The following KCND2 variants were observed in gnomAD, a reference collection of about 807,000 sequenced individuals.
KCND2 encodes the protein A-type voltage-gated potassium channel KCND2.
KCND2 carries 16 observed loss-of-function variants against 54.4 expected under a neutral mutation model. The ratio of observed to expected loss-of-function variants is 0.29; its 90% CI spans 0.20 to 0.45. The LOEUF (loss-of-function observed/expected upper bound fraction) is 0.45, where lower values mean the gene tolerates loss of function less well. Ranked by LOEUF, KCND2 falls within the 20% of genes least tolerant of loss-of-function variation. The probability of loss-of-function intolerance (pLI) is 1.00; values close to 1 mark genes in which losing one functional copy is unlikely to be tolerated. For synonymous variants in KCND2, 317 were observed against 310.7 expected (o/e 1.02, Z -0.21); for missense variants, 486 against 824.2 (o/e 0.59, Z 5.02).
At chr7:120,289,037 A>AAC (rs763897007) in intron 1 of KCND2, among the ~76,000 whole-genome samples, 2,910 of 62,104 alleles carry the variant, frequency 0.047, 99 homozygotes, top group African/African-American at 0.093. Flanking sequence ...CAGAGACACA[A>AAC]ACACACACAC....
At chr7:120,559,728 G>A (rs1381068148) in intron 1 of KCND2, among the ~76,000 whole-genome samples, 2 of 152,154 alleles carry the variant, frequency 1.3e-5, no homozygotes, top group African/African-American at 4.8e-5. Flanking sequence ...GCAGATTCCA[G>A]TCTATGATAC....
At chr7:120,620,761 A>G (rs1352113029) in intron 1 of KCND2, among the ~76,000 whole-genome samples, 1 of 152,220 alleles carries the variant, frequency 6.6e-6, no homozygotes, top group Non-Finnish European at 1.5e-5. Flanking sequence ...ACTCATTTCA[A>G]AATTTCAACT....
intron 1 of KCND2, among the ~76,000 whole-genome samples, chr7:120,503,385 T>TGAGAGAGAGAGAGAGAGAGAGAGA (rs58222636): frequency 2.0e-5 from 3 of 146,670 alleles, no homozygotes; most frequent in East Asian, 4.0e-4. Flanking sequence ...GTCTCTAGAG[T>TGAGAGAGAGAGAGAGAGAGAGAGA]GAGAGAGAGA....
At chr7:120,385,992 T>G (rs1800982359) in intron 1 of KCND2, among the ~76,000 whole-genome samples, 1 of 152,126 alleles carries the variant, frequency 6.6e-6, no homozygotes, top group African/African-American at 2.4e-5. Context: ...TGAACACACA[T>G]TATTTTTGGC....
rs370917762 is a variant in KCND2, at chr7:120,570,681, C to A, written c.1116-162222C>A. 3.3e-5 allele frequency among the ~76,000 whole-genome samples: 5 copies of A among 152,132 alleles called. 1 individual carries two copies. The highest frequency in any genetic ancestry group is 6.5e-5 in the Admixed American group (1 of 15,274). On this transcript the variant is annotated intron_variant, in intron 1 of 5. Transcript: ENST00000331113. ...CATATTACCTTTCTTATTAAAGATGCTTCTCAGGTGAAGGACTCAACTACT... is the reference window on the plus strand; with the variant it reads ...CATATTACCTTTCTTATTAAAGATGATTCTCAGGTGAAGGACTCAACTACT...
chr7:120,329,584 C>G (rs760574418), intron 1 of KCND2, among the ~76,000 whole-genome samples: 2 of 151,988 alleles, frequency 1.3e-5, no homozygotes, highest in Non-Finnish European at 2.9e-5. Context: ...GAATTTTGTT[C>G]AATAAAATGA....
At chr7:120,368,561 T>C (rs116374501) in intron 1 of KCND2, among the ~76,000 whole-genome samples, 11 of 152,196 alleles carry the variant, frequency 7.2e-5, no homozygotes, top group African/African-American at 2.6e-4. Flanking sequence ...AAAAAATATT[T>C]GAGAGCATTT....
At chr7:120,482,090 C>T (rs1031616324) in intron 1 of KCND2, among the ~76,000 whole-genome samples, 9 of 152,274 alleles carry the variant, frequency 5.9e-5, no homozygotes, top group Admixed American at 4.6e-4. Flanking sequence ...TGGGGTCCAT[C>T]TCCAGCTCCA....
chr7:120,362,402 C>G (rs1406507469), intron 1 of KCND2, among the ~76,000 whole-genome samples: 3 of 151,996 alleles, frequency 2.0e-5, no homozygotes, highest in Non-Finnish European at 2.9e-5. Context: ...CTGAAGGTCT[C>G]CAAAGACATC....
At chr7:120,473,273 A>T (rs1802486912) in intron 1 of KCND2, among the ~76,000 whole-genome samples, 1 of 152,144 alleles carries the variant, frequency 6.6e-6, no homozygotes, top group South Asian at 2.1e-4. Context: ...AACCTAGAAT[A>T]AGATTCAGAG....
At chr7:120,584,842 A>G (rs577408276) in intron 1 of KCND2, among the ~76,000 whole-genome samples, 1 of 152,360 alleles carries the variant, frequency 6.6e-6, no homozygotes, top group Admixed American at 6.5e-5. Flanking sequence ...ATGCAATTGT[A>G]TTGGGTTTGT....
At chr7:120,574,096 C>T (rs1268527368) in intron 1 of KCND2, among the ~76,000 whole-genome samples, 1 of 152,124 alleles carries the variant, frequency 6.6e-6, no homozygotes, top group Non-Finnish European at 1.5e-5. Flanking sequence ...TGAATGAATC[C>T]TAGAAAACGT....
chr7:120,629,449 G>A (rs1424139316), intron 1 of KCND2, among the ~76,000 whole-genome samples: 2 of 152,096 alleles, frequency 1.3e-5, no homozygotes, highest in Admixed American at 6.6e-5. Context: ...TGGTGCCACT[G>A]CACTCCATCC....
At chr7:120,617,641 TG>T (rs1793044942) in intron 1 of KCND2, among the ~76,000 whole-genome samples, 1 of 152,212 alleles carries the variant, frequency 6.6e-6, no homozygotes, top group African/African-American at 2.4e-5. Flanking sequence ...ATCCAGTTAC[TG>T]GGTGTATACC....
At chr7:120,699,221 G>A (rs113980381) in intron 1 of KCND2, among the ~76,000 whole-genome samples, 2 of 151,770 alleles carry the variant, frequency 1.3e-5, no homozygotes, top group Admixed American at 6.6e-5. Context: ...GGCAGAGCTT[G>A]CAGTGAGCCG....
At chr7:120,609,210 G>C (rs1049702720) in intron 1 of KCND2, among the ~76,000 whole-genome samples, 3 of 151,990 alleles carry the variant, frequency 2.0e-5, no homozygotes, top group African/African-American at 7.2e-5. Context: ...CTACTAAGCC[G>C]AGGCAAACTA....
intron 5 of KCND2, among the ~76,000 whole-genome samples, chr7:120,746,572 A>G (rs1793010857): frequency 6.6e-6 from 1 of 152,172 alleles, no homozygotes; most frequent in Admixed American, 6.6e-5. Flanking sequence ...ACAAAAAATA[A>G]GTGAAGTACT....
intron 1 of KCND2, among the ~76,000 whole-genome samples, chr7:120,468,079 A>G (rs1403003142): frequency 2.0e-5 from 3 of 152,098 alleles, no homozygotes; most frequent in African/African-American, 7.2e-5. Context: ...GCCTCTGTTA[A>G]AGGAAAAGTG....
Position 120,274,584 on chromosome 7 carries a change from A to T in KCND2, c.-49A>T, listed in dbSNP as rs772210143. 2.7e-4 allele frequency: 431 copies of T among 1,612,590 alleles called. No homozygotes were observed. Among genetic ancestry groups the T allele is most frequent in the Non-Finnish European group, 3.4e-4 (403 of 1,178,976 alleles). ...TGGGTGACTTTTGGCTGCTTCGGTG[A>T]CCCATTGTAGACGCCTCGTTACCCT... On this transcript the variant is annotated 5_prime_UTR_variant, in exon 1 of 6. Transcript: ENST00000331113.
Sources: allele counts gnomAD v4.1 joint callset (sites outside exome capture counted in the v4.1 genomes callset), GRCh38; gene constraint gnomAD v4.1.1; transcripts MANE v1.5; gene names NCBI Gene and HGNC (gene_info 2026-07-23, HGNC 2026-07-21).